The following GAS2 variants were observed in gnomAD, a reference collection of about 807,000 sequenced individuals.
GAS2 encodes the protein growth arrest specific 2.
A neutral mutation model predicts 37.5 loss-of-function variants in GAS2; 20 were observed. The observed-to-expected ratio is 0.53, with a 90% CI of 0.37 to 0.77. The LOEUF (loss-of-function observed/expected upper bound fraction) is 0.77. Among genes scored for constraint, GAS2 ranks in the 30% least tolerant of loss-of-function variants. The probability of loss-of-function intolerance (pLI) is 0.00; values close to 1 mark genes in which losing one functional copy is unlikely to be tolerated. For missense variants in GAS2, 336 were observed against 373.4 expected, an observed-to-expected ratio of 0.90 and a Z score of 0.82; for synonymous variants, 144 against 132.2, an observed-to-expected ratio of 1.09 and a Z score of -0.61.
At chr11:22,698,892 T>C (rs1215646143) in intron 3 of GAS2, among the ~76,000 whole-genome samples, 1 of 152,204 alleles carries the variant, frequency 6.6e-6, no homozygotes, top group South Asian at 2.1e-4. Flanking sequence ...TTTGTGATGG[T>C]TCTAGTGTTT....
chr11:22,688,856 A>C (rs926915981), intron 3 of GAS2, among the ~76,000 whole-genome samples: 2 of 152,164 alleles, frequency 1.3e-5, no homozygotes, highest in African/African-American at 2.4e-5. Context: ...TCATAGCAGC[A>C]CTATTCACTA....
chr11:22,657,321 G>A (rs1260363242), intron 1 of GAS2, among the ~76,000 whole-genome samples: 1 of 152,180 alleles, frequency 6.6e-6, no homozygotes, highest in East Asian at 1.9e-4. Flanking sequence ...GCTATGTATG[G>A]CAAACAAGGT....
intron 2 of GAS2, among the ~76,000 whole-genome samples, chr11:22,680,240 C>T (rs1849615193): frequency 1.3e-5 from 2 of 152,036 alleles, no homozygotes; most frequent in South Asian, 4.1e-4. Flanking sequence ...TACAGAATCA[C>T]CTTCATGTTC....
intron 3 of GAS2, among the ~76,000 whole-genome samples, chr11:22,687,190 G>A (rs1485779412): frequency 1.3e-5 from 2 of 152,112 alleles, no homozygotes; most frequent in South Asian, 2.1e-4. Context: ...AGCAGGGAAT[G>A]GTGGTGTGTT....
At chr11:22,707,467 A>T (rs753974332) in intron 3 of GAS2, among the ~76,000 whole-genome samples, 2 of 152,152 alleles carry the variant, frequency 1.3e-5, no homozygotes, top group Non-Finnish European at 2.9e-5. Flanking sequence ...AAAAGTCACA[A>T]ATGTTTATAG....
upstream of GAS2, among the ~76,000 whole-genome samples, chr11:22,663,106 AAG>A (rs1177230128): frequency 2.0e-5 from 3 of 151,908 alleles, no homozygotes; most frequent in African/African-American, 7.2e-5. Flanking sequence ...GAGAGAGAGA[AAG>A]AGAGAGGGGA....
At chr11:22,651,258 C>T (rs1848772033) in intron 1 of GAS2, among the ~76,000 whole-genome samples, 1 of 152,218 alleles carries the variant, frequency 6.6e-6, no homozygotes, top group South Asian at 2.1e-4. Flanking sequence ...CCACTGTCTT[C>T]TGGCTTGTAG....
At chr11:22,670,207 A>G (rs367543980) in intron 1 of GAS2, among the ~76,000 whole-genome samples, 2 of 152,280 alleles carry the variant, frequency 1.3e-5, no homozygotes, top group African/African-American at 2.4e-5. Flanking sequence ...GTGGGGAACA[A>G]TGCTGCAGAT....
In GAS2 at chr11:22,802,659, T is replaced by A. The variant is rs148152379; in HGVS notation, c.724-9139T>A. ...CATGCAAAAACTACTGCTTTGCAACTTATAGTGTTGGAGGCTATTTGTAGC... is the reference window on the plus strand; with the variant it reads ...CATGCAAAAACTACTGCTTTGCAACATATAGTGTTGGAGGCTATTTGTAGC... On this transcript the variant is annotated intron_variant, in intron 7 of 7. Coordinates refer to ENST00000454584, the MANE Select transcript of GAS2 (RefSeq NM_001143830.3). Among the ~76,000 whole-genome samples the A allele has an allele frequency of 5.5e-3, 830 of 152,148 alleles. 13 individuals are homozygous for A. The highest frequency in any genetic ancestry group is 0.038 in the East Asian group (197 of 5,170).
chr11:22,803,550 T>C (rs1327872276), intron 7 of GAS2, among the ~76,000 whole-genome samples: 1 of 152,142 alleles, frequency 6.6e-6, no homozygotes, highest in African/African-American at 2.4e-5. Flanking sequence ...AGGATTCTTG[T>C]CCCAGTTCTG....
intron 5 of GAS2, among the ~76,000 whole-genome samples, chr11:22,738,601 T>A (rs1249295609): frequency 3.3e-5 from 5 of 152,164 alleles, no homozygotes; most frequent in Non-Finnish European, 7.4e-5. Flanking sequence ...TGAGATCAGA[T>A]GAATAAGTAA....
intron 7 of GAS2, among the ~76,000 whole-genome samples, chr11:22,791,827 G>A (rs1210264494): frequency 2.0e-5 from 3 of 152,172 alleles, no homozygotes; most frequent in African/African-American, 7.2e-5. Context: ...TTCTGTATAT[G>A]AGGCCCTTCT....
Position 22,740,011 on chromosome 11 carries a change from G to A in GAS2, c.473+2243G>A, listed in dbSNP as rs151143218. Among the ~76,000 whole-genome samples the A allele has an allele frequency of 1.4e-3, 212 of 152,026 alleles. 2 individuals are homozygous for A. The highest frequency in any genetic ancestry group is 3.4e-3 in the African/African-American group (140 of 41,494). ...AATGAGCACGGTGATTAGGGAGCCC[G>A]CTGAATAAACATTTTAATTATAGCC... On this transcript the variant is annotated intron_variant, in intron 5 of 7. Transcript: ENST00000454584.
In GAS2 at chr11:22,657,660, T is replaced by A. The variant is rs115100944; in HGVS notation, c.-20-17190T>A. On this transcript the variant is annotated intron_variant, in intron 1 of 5. Transcript: ENST00000528582. ...AATAGGGAAGAAAAAAATAACATGTTTGCTCCTGAACAGAAGATTGTTTAC... is the reference window on the plus strand; with the variant it reads ...AATAGGGAAGAAAAAAATAACATGTATGCTCCTGAACAGAAGATTGTTTAC... 8.5e-4 allele frequency among the ~76,000 whole-genome samples: 129 copies of A among 152,206 alleles called. 1 individual carries two copies. The highest frequency in any genetic ancestry group is 3.1e-3 in the African/African-American group (127 of 41,544).
chr11:22,722,468 A>G (rs1164146111), intron 3 of GAS2, among the ~76,000 whole-genome samples: 1 of 151,928 alleles, frequency 6.6e-6, no homozygotes, highest in East Asian at 1.9e-4. Flanking sequence ...ATCCTACACT[A>G]TGGACACTGT....
intron 3 of GAS2, among the ~76,000 whole-genome samples, chr11:22,724,870 G>GT (rs1852119981): frequency 6.6e-6 from 1 of 151,962 alleles, no homozygotes; most frequent in African/African-American, 2.4e-5. Flanking sequence ...AAGAACTCTA[G>GT]TAAGAGTTGC....
intron 7 of GAS2, among the ~76,000 whole-genome samples, chr11:22,806,217 G>C (rs2134673939): frequency 6.6e-6 from 1 of 152,084 alleles, no homozygotes; most frequent in Middle Eastern, 3.4e-3. Flanking sequence ...TCTGTGCCTG[G>C]CTTCTTTCAT....
At chr11:22,652,187 G>C (rs563544680) in intron 1 of GAS2, among the ~76,000 whole-genome samples, 1 of 152,144 alleles carries the variant, frequency 6.6e-6, no homozygotes, top group Admixed American at 6.5e-5. Flanking sequence ...GCCGTGTGAG[G>C]TGTCAGTGTG....
At chr11:22,663,955 T>G (rs1308784698), upstream of GAS2, among the ~76,000 whole-genome samples, 1 of 152,010 alleles carries the variant, frequency 6.6e-6, no homozygotes, top group Non-Finnish European at 1.5e-5. Flanking sequence ...AGGAAGTATG[T>G]CAACAAAATG....
Sources: allele counts gnomAD v4.1 joint callset (sites outside exome capture counted in the v4.1 genomes callset), GRCh38; gene constraint gnomAD v4.1.1; transcripts MANE v1.5; gene names NCBI Gene and HGNC (gene_info 2026-07-23, HGNC 2026-07-21).